Variants in FREM2 observed in about 807,000 individuals in gnomAD.
FREM2 encodes FRAS1 related extracellular matrix 2, also known as FRAS1-related extracellular matrix protein 2.
Under a neutral mutation model 219.9 loss-of-function variants are expected in FREM2, and 119 were observed. The observed-to-expected ratio is 0.54, with a 90% CI of 0.47 to 0.63. The LOEUF is 0.63. Ranked by LOEUF, FREM2 falls within the 30% of genes least tolerant of loss-of-function variation. The pLI is 0.00. For missense variants in FREM2, 4,030 were observed against 3,993.6 expected (o/e 1.01, Z -0.25); for synonymous variants, 1,562 against 1,522.8 (o/e 1.03, Z -0.60).
chr13:38,807,189 T>TTATATATATATATATATATATATATATA (rs59551341), intron 6 of FREM2, among the ~76,000 whole-genome samples: 1 of 45,384 alleles, frequency 2.2e-5, no homozygotes, highest in Non-Finnish European at 4.5e-5. Flanking sequence ...CTTGTCTCTG[T>TTATATATATATATATATATATATATATA]TATATATATA....
In FREM2 at chr13:38,687,567, G is replaced by C; in HGVS notation, c.223G>C (p.Ala75Pro). Residue 75 changes from alanine (A) to proline (P), a missense_variant, in exon 1 of 24, where the codon GCG becomes CCG. Physicochemically the swap from Ala to Pro is conservative, Grantham distance 27. Around this residue, in one of 2 missense-constraint regions of FREM2, gnomAD observed 3,102 missense variants for 2,950.7 expected, o/e 1.05. Transcript: ENST00000280481. ...CCCTGCTGAGGAGGCCATAGTGCTG[G>C]CGAACCGCGGACTCCGGGTGCCTTT... ...GVPAEEAIVL[A>P]NRGLRVPFGR... The C allele has an allele frequency of 3.1e-6, 5 of 1,603,168 alleles. No homozygotes were observed. The highest frequency in any genetic ancestry group is 4.3e-6 in the Non-Finnish European group (5 of 1,174,386).
In FREM2 at chr13:38,876,252, G is replaced by A. The variant is rs760854355; in HGVS notation, c.8414G>A (p.Arg2805His). ...QWSFVSDFAV[R>H]DYSGTYTVKL... is the part of the protein sequence containing the mutation. ...ATCAATATCTTCTCCTCAAAGGTAC[G>A]TGACTACTCAGGGACCTATACTGTG... Residue 2805 changes from arginine to histidine, a missense_variant, in exon 20 of 24, where the codon CGT becomes CAT. Coordinates refer to ENST00000280481, the MANE Select transcript of FREM2 (RefSeq NM_207361.6). 13 of 1,613,816 alleles carry A rather than the reference G, an allele frequency of 8.1e-6. 1 individual carries two copies. The highest frequency in any genetic ancestry group is 2.2e-5 in the East Asian group (1 of 44,872).
intron 6 of FREM2, chr13:38,827,343 A>C (rs1386770362): frequency 1.3e-5 from 2 of 152,162 alleles, no homozygotes; most frequent in African/African-American, 2.4e-5. Context: ...AGGGGCAGTC[A>C]GTAAATGTAG....
chr13:38,850,345 G>A (rs1877326343), intron 9 of FREM2, 110 bp downstream of exon 9: 1 of 851,918 alleles, frequency 1.2e-6, no homozygotes, highest in African/African-American at 1.7e-5. Flanking sequence ...CATATGGCAT[G>A]GTTTTATGTG....
At chr13:38,817,748 A>G (rs1166006941) in intron 6 of FREM2, among the ~76,000 whole-genome samples, 2 of 152,184 alleles carry the variant, frequency 1.3e-5, no homozygotes, top group African/African-American at 4.8e-5. Context: ...AGCAACAGAA[A>G]CTGTTAAGAG....
intron 2 of FREM2, among the ~76,000 whole-genome samples, chr13:38,753,792 A>T (rs1191223417): frequency 6.6e-6 from 1 of 152,154 alleles, no homozygotes; most frequent in African/African-American, 2.4e-5. Context: ...ACAGACATTC[A>T]TTCCACTAAG....
intron 2 of FREM2, among the ~76,000 whole-genome samples, chr13:38,721,630 G>A (rs892788200): frequency 6.6e-6 from 1 of 152,136 alleles, no homozygotes; most frequent in Non-Finnish European, 1.5e-5. Context: ...ATGAGAAAGA[G>A]CAGTTGGCCG....
Position 38,687,653 on chromosome 13 carries a change from C to T in FREM2, c.309C>T (p.Asp103=), listed in dbSNP as rs1048397841. The part of the protein sequence containing the change: ...HDLVLQVQPG[D]RCAVSVLDND... Reference sequence around the variant, plus strand: ...TGGTGTTGCAGGTGCAGCCCGGGGACCGCTGCGCGGTTTCGGTACTAGACA... The same window carrying T: ...TGGTGTTGCAGGTGCAGCCCGGGGATCGCTGCGCGGTTTCGGTACTAGACA... Residue 103 remains aspartate, a synonymous_variant, in exon 1 of 24, where the codon GAC becomes GAT. Transcript: ENST00000280481. 3.1e-6 allele frequency: 5 copies of T among 1,606,738 alleles called. No individual in the cohort carries two copies. The African/African-American group carries it at 5.3e-5, about 17-fold the overall frequency.
intron 2 of FREM2, among the ~76,000 whole-genome samples, chr13:38,729,457 A>C (rs972841734): frequency 1.3e-5 from 2 of 152,210 alleles, no homozygotes; most frequent in African/African-American, 4.8e-5. Context: ...TTATTGCAAT[A>C]TCATTAAGAT....
In FREM2 at chr13:38,759,271, A is replaced by G. The variant is rs183907084; in HGVS notation, c.5264-5033A>G. ...CCAACAATATTTTCTATTTGTAACT[A>G]TTCTCCAAGAAGAAATTTGTTGTCA... On this transcript the variant is annotated intron_variant, in intron 2 of 23. Transcript: ENST00000280481. Among the ~76,000 whole-genome samples the G allele has an allele frequency of 5.2e-3, 786 of 152,264 alleles. 6 individuals are homozygous for G. Among genetic ancestry groups the G allele is most frequent in the African/African-American group, 0.018 (756 of 41,542 alleles).
intron 6 of FREM2, among the ~76,000 whole-genome samples, chr13:38,786,494 A>T (rs1352140682): frequency 6.6e-6 from 1 of 152,166 alleles, no homozygotes; most frequent in African/African-American, 2.4e-5. Flanking sequence ...CAGAAATTTT[A>T]TTTTAACTTT....
intron 2 of FREM2, among the ~76,000 whole-genome samples, chr13:38,711,455 G>T (rs1393266173): frequency 6.6e-6 from 1 of 152,168 alleles, no homozygotes; most frequent in African/African-American, 2.4e-5. Flanking sequence ...CTTGTTTTAA[G>T]ATGCTATCTT....
intron 10 of FREM2, 50 bp downstream of exon 10, chr13:38,851,158 CA>C (rs779699190): frequency 3.1e-6 from 5 of 1,590,008 alleles, no homozygotes; most frequent in Non-Finnish European, 4.3e-6. Context: ...AACTAAAATC[CA>C]GCCAAGTCAA....
intron 6 of FREM2, among the ~76,000 whole-genome samples, chr13:38,792,966 CG>C (rs1165708485): frequency 6.6e-6 from 1 of 151,962 alleles, no homozygotes; most frequent in Non-Finnish European, 1.5e-5. Flanking sequence ...AATAATGTAC[CG>C]CACAAATTTT....
chr13:38,702,088 A>T (rs1434634705), intron 2 of FREM2, among the ~76,000 whole-genome samples: 1 of 152,112 alleles, frequency 6.6e-6, no homozygotes, highest in Non-Finnish European at 1.5e-5. Flanking sequence ...GACCCTTTGC[A>T]TTCCTTTAGA....
At chr13:38,772,779 C>A (rs1277641356) in intron 4 of FREM2, among the ~76,000 whole-genome samples, 1 of 151,474 alleles carries the variant, frequency 6.6e-6, no homozygotes, top group East Asian at 1.9e-4. Context: ...TCACTGCAAC[C>A]TTCGCCTCCT....
chr13:38,780,679 C>T (rs185621814), intron 4 of FREM2, among the ~76,000 whole-genome samples: 3 of 152,306 alleles, frequency 2.0e-5, no homozygotes, highest in Non-Finnish European at 2.9e-5. Context: ...CTACAGCAAC[C>T]GGAAAGCCAA....
chr13:38,816,562 C>T (rs538858224), intron 6 of FREM2, among the ~76,000 whole-genome samples: 18 of 152,270 alleles, frequency 1.2e-4, no homozygotes, highest in African/African-American at 4.3e-4. Context: ...ATTAGATTCA[C>T]ATGGTACTTA....
chr13:38,878,766 C>A, intron 22 of FREM2, 65 bp from the exon 23 acceptor site: 1 of 1,457,630 alleles, frequency 6.9e-7, no homozygotes, highest in Non-Finnish European at 9.6e-7. Context: ...AATAGAGAAA[C>A]ATGCTGTCCT....
Sources: allele counts gnomAD v4.1 joint callset (sites outside exome capture counted in the v4.1 genomes callset), GRCh38; gene constraint gnomAD v4.1.1; regional missense constraint gnomAD v4.1.1; transcripts MANE v1.5; gene names NCBI Gene and HGNC (gene_info 2026-07-23, HGNC 2026-07-21).